IFT43: variants seen among roughly 807,000 people sequenced by gnomAD.
IFT43 encodes intraflagellar transport 43.
Under a neutral mutation model 32.3 loss-of-function variants are expected in IFT43, and 33 were observed. That is an observed-to-expected ratio of 1.02 (90% CI 0.77 to 1.37). The LOEUF is 1.37. Among genes scored for constraint, IFT43 ranks in the 40% most tolerant of loss-of-function variants. The pLI, the probability that IFT43 is intolerant of heterozygous loss-of-function variation, is 0.00. For synonymous variants in IFT43, 93 were observed against 98.2 expected (o/e 0.95, Z 0.31); for missense variants, 274 against 265.9 (o/e 1.03, Z -0.21).
intron 5 of IFT43, among the ~76,000 whole-genome samples, chr14:76,082,005 C>T (rs2037518684): frequency 6.6e-6 from 1 of 152,184 alleles, no homozygotes; most frequent in South Asian, 2.1e-4. Flanking sequence ...GCAGTGGCTT[C>T]TAACCTGTTG....
chr14:76,009,682 A>G (rs1183737864), intron 2 of IFT43, among the ~76,000 whole-genome samples: 1 of 152,202 alleles, frequency 6.6e-6, no homozygotes, highest in Non-Finnish European at 1.5e-5. Context: ...GAATTACAGA[A>G]GTTTGGAAGT....
intron 5 of IFT43, among the ~76,000 whole-genome samples, chr14:76,065,813 G>GA (rs1247532543): frequency 6.6e-6 from 1 of 152,164 alleles, no homozygotes; most frequent in African/African-American, 2.4e-5. Flanking sequence ...TTTAAGAGAT[G>GA]GGATCTATGT....
chr14:76,042,769 GCC>G (rs748713831), intron 3 of IFT43, among the ~76,000 whole-genome samples: 33 of 152,236 alleles, frequency 2.2e-4, no homozygotes, highest in Non-Finnish European at 3.7e-4. Flanking sequence ...TTCCCAGGCA[GCC>G]CGCTCAGGAG....
intron 2 of IFT43, among the ~76,000 whole-genome samples, chr14:76,017,591 C>T (rs962884497): frequency 6.6e-6 from 1 of 152,026 alleles, no homozygotes; most frequent in Non-Finnish European, 1.5e-5. Flanking sequence ...GAAGAATTTC[C>T]TCCCATTCAA....
chr14:76,071,824 C>T, intron 5 of IFT43, among the ~76,000 whole-genome samples: 1 of 152,126 alleles, frequency 6.6e-6, no homozygotes. Flanking sequence ...TAGCGAGTGG[C>T]TCTTTGGGGC....
At chr14:76,045,214 G>A (rs2036783623) in intron 3 of IFT43, among the ~76,000 whole-genome samples, 1 of 152,212 alleles carries the variant, frequency 6.6e-6, no homozygotes, top group South Asian at 2.1e-4. Flanking sequence ...GCTAGACAAA[G>A]TTGTGGAGAG....
At chr14:76,032,809 A>G (rs1418521563) in intron 3 of IFT43, among the ~76,000 whole-genome samples, 1 of 152,218 alleles carries the variant, frequency 6.6e-6, no homozygotes, top group Non-Finnish European at 1.5e-5. Context: ...GAGGATGGAA[A>G]GGAAAGATGA....
intron 3 of IFT43, among the ~76,000 whole-genome samples, chr14:76,057,020 A>C (rs944098696): frequency 2.0e-5 from 3 of 151,830 alleles, no homozygotes; most frequent in Non-Finnish European, 4.4e-5. Flanking sequence ...AGTCTCCTTT[A>C]TCTCTCTTTA....
chr14:75,999,261 ATATATATATATGTATATATATT>A (rs1454753466), intron 2 of IFT43, among the ~76,000 whole-genome samples: 12 of 23,366 alleles, frequency 5.1e-4, no homozygotes, highest in African/African-American at 1.6e-3. Flanking sequence ...ATATATATAT[ATATATATATATGTATATATATT>A]TTTTTTTTTT....
At chr14:75,999,966 G>C (rs766140665) in intron 2 of IFT43, among the ~76,000 whole-genome samples, 17 of 152,254 alleles carry the variant, frequency 1.1e-4, no homozygotes, top group Admixed American at 2.6e-4. Context: ...CTGGAGGATA[G>C]AGTGGGAGAG....
At chr14:76,061,608 C>G (rs990299990) in intron 5 of IFT43, among the ~76,000 whole-genome samples, 2 of 152,130 alleles carry the variant, frequency 1.3e-5, no homozygotes, top group African/African-American at 4.8e-5. Context: ...TTAAGCCCAT[C>G]TAGTGGATTA....
intron 6 of IFT43, 49 bp from the exon 7 acceptor site, chr14:76,082,568 G>A (rs1186196859): frequency 1.9e-6 from 3 of 1,611,344 alleles, no homozygotes; most frequent in African/African-American, 2.7e-5. Flanking sequence ...AGCACTCCTG[G>A]AACAGGTCCT....
chr14:76,013,313 G>A (rs2036120936), intron 2 of IFT43, among the ~76,000 whole-genome samples: 1 of 152,196 alleles, frequency 6.6e-6, no homozygotes. Context: ...GTGAATAAAG[G>A]GCTTTAATTT....
chr14:76,030,503 A>T (rs2036490591), intron 3 of IFT43, among the ~76,000 whole-genome samples: 1 of 152,162 alleles, frequency 6.6e-6, no homozygotes, highest in African/African-American at 2.4e-5. Flanking sequence ...TTGCTATTGG[A>T]TATCTTTGCT....
intron 2 of IFT43, among the ~76,000 whole-genome samples, chr14:76,001,363 A>C (rs1348307703): frequency 1.3e-5 from 2 of 152,230 alleles, no homozygotes; most frequent in South Asian, 4.1e-4. Flanking sequence ...CTTGTTAGGC[A>C]ATTTACCAGA....
At chr14:76,047,203 G>A (rs1438736503) in intron 3 of IFT43, among the ~76,000 whole-genome samples, 3 of 152,170 alleles carry the variant, frequency 2.0e-5, no homozygotes, top group Admixed American at 6.5e-5. Flanking sequence ...TCTGAATCTG[G>A]AGCCCATACT....
At chr14:76,060,881 T>TCTACC (rs2037121378) in intron 5 of IFT43, among the ~76,000 whole-genome samples, 1 of 141,882 alleles carries the variant, frequency 7.0e-6, no homozygotes, top group African/African-American at 2.6e-5. Context: ...CTTTTCCTGC[T>TCTACC]CTCCCCTCCC....
chr14:76,017,031 T>C (rs1396291961), intron 2 of IFT43, among the ~76,000 whole-genome samples: 1 of 152,188 alleles, frequency 6.6e-6, no homozygotes, highest in Non-Finnish European at 1.5e-5. Context: ...TGGAAGAGTT[T>C]TATTTCTTTC....
chr14:76,022,134 C>G (rs2036302721), intron 2 of IFT43, among the ~76,000 whole-genome samples, 193 bp from the exon 3 acceptor site: 1 of 152,100 alleles, frequency 6.6e-6, no homozygotes, highest in Non-Finnish European at 1.5e-5. Flanking sequence ...GCCTATAATC[C>G]CAGCTACTCA....
Sources: gnomAD v4.1 joint callset for allele counts (sites outside exome capture counted in the v4.1 genomes callset) on GRCh38, gnomAD v4.1.1 for gene constraint, MANE v1.5 for transcripts, NCBI Gene and HGNC (gene_info 2026-07-23, HGNC 2026-07-21) for gene names.